The following RBFOX1 variants were observed in gnomAD, a reference collection of about 807,000 sequenced individuals.
RBFOX1 encodes RNA binding protein fox-1 homolog 1.
RBFOX1 carries 8 observed loss-of-function variants against 57.7 expected under a neutral mutation model. The observed-to-expected ratio is 0.14, with a 90% CI of 0.08 to 0.25. The LOEUF is 0.25. RBFOX1 is among the 10% of genes least tolerant of loss of function. The probability of loss-of-function intolerance (pLI) is 1.00; values close to 1 mark genes in which losing one functional copy is unlikely to be tolerated. For missense variants in RBFOX1, 611 were observed against 548.5 expected (o/e 1.11, Z -1.14); for synonymous variants, 326 against 222.4 (o/e 1.47, Z -4.15).
chr16:7,701,182 G>T (rs928465701), intron 14 of RBFOX1, among the ~76,000 whole-genome samples: 2 of 145,606 alleles, frequency 1.4e-5, no homozygotes, highest in African/African-American at 5.7e-5. Flanking sequence ...AAGTAGAGAT[G>T]ACTCCATGTT....
chr16:5,293,827 T>A (rs529049177), intron 1 of RBFOX1, among the ~76,000 whole-genome samples: 1 of 152,164 alleles, frequency 6.6e-6, no homozygotes, highest in East Asian at 1.9e-4. Context: ...AATGAAAATG[T>A]TTTGCAACTA....
At chr16:7,216,612 C>G (rs994476870) in intron 4 of RBFOX1, among the ~76,000 whole-genome samples, 3 of 152,054 alleles carry the variant, frequency 2.0e-5, no homozygotes, top group South Asian at 2.1e-4. Flanking sequence ...GAGCCCAGAT[C>G]GTACCGCTGT....
intron 4 of RBFOX1, among the ~76,000 whole-genome samples, chr16:7,197,710 G>A (rs1036549175): frequency 2.6e-5 from 4 of 152,260 alleles, no homozygotes; most frequent in African/African-American, 4.8e-5. Flanking sequence ...TAAACTAAAT[G>A]TGGTATATCC....
At chr16:5,794,576 C>T (rs921014450) in intron 3 of RBFOX1, among the ~76,000 whole-genome samples, 37 of 151,978 alleles carry the variant, frequency 2.4e-4, no homozygotes, top group African/African-American at 8.2e-4. Context: ...GTATAGCTGT[C>T]GGGCAGGTCA....
At chr16:5,944,579 T>C (rs933972054) in intron 4 of RBFOX1, among the ~76,000 whole-genome samples, 1 of 151,650 alleles carries the variant, frequency 6.6e-6, no homozygotes, top group Non-Finnish European at 1.5e-5. Flanking sequence ...TGCCTCAGTT[T>C]CGACAAATGT....
intron 3 of RBFOX1, among the ~76,000 whole-genome samples, chr16:6,660,306 G>C (rs2098692918): frequency 6.6e-6 from 1 of 151,880 alleles, no homozygotes; most frequent in South Asian, 2.1e-4. Flanking sequence ...TTAATACCTT[G>C]GTGATGGATT....
At chr16:6,857,856 A>G (rs1370935469) in intron 3 of RBFOX1, among the ~76,000 whole-genome samples, 1 of 152,210 alleles carries the variant, frequency 6.6e-6, no homozygotes, top group Non-Finnish European at 1.5e-5. Flanking sequence ...CTTCATGCTC[A>G]GTTACCATTT....
chr16:6,807,626 G>C lies in RBFOX1; in HGVS notation c.-16+152976G>C, dbSNP rs893285756. 4.6e-5 allele frequency among the ~76,000 whole-genome samples: 7 copies of C among 152,160 alleles called. No individual in the cohort carries two copies. In the South Asian group the frequency reaches 1.2e-3, roughly 27 times the overall value. On this transcript the variant is annotated intron_variant, in intron 3 of 15. Transcript: ENST00000550418. Reference sequence around the variant, plus strand: ...AGGTCACGAGATTGAGACCAGCCTGGCGAGCATGGTGAAAGCCCATCTCCA... The same window carrying C: ...AGGTCACGAGATTGAGACCAGCCTGCCGAGCATGGTGAAAGCCCATCTCCA...
At chr16:6,953,586 C>A (rs1224740984) in intron 3 of RBFOX1, among the ~76,000 whole-genome samples, 2 of 152,078 alleles carry the variant, frequency 1.3e-5, no homozygotes, top group Admixed American at 6.5e-5. Flanking sequence ...GGGGTTTTGC[C>A]ATGTTGGCCA....
intron 3 of RBFOX1, among the ~76,000 whole-genome samples, chr16:6,809,928 A>C (rs1270331436): frequency 1.3e-5 from 2 of 152,098 alleles, no homozygotes; most frequent in Non-Finnish European, 2.9e-5. Context: ...CACCACCAAG[A>C]TGAGCCTACC....
chr16:7,482,584 A>G (rs994211609), intron 4 of RBFOX1, among the ~76,000 whole-genome samples: 3 of 137,162 alleles, frequency 2.2e-5, no homozygotes, highest in Non-Finnish European at 4.6e-5. Context: ...GCAGTCATGA[A>G]GATATTGCCT....
chr16:6,945,025 C>G (rs970884425), intron 3 of RBFOX1, among the ~76,000 whole-genome samples: 1 of 152,098 alleles, frequency 6.6e-6, no homozygotes, highest in African/African-American at 2.4e-5. Context: ...TTCTTCTTAT[C>G]TTAACATTCT....
chr16:6,369,876 G>GGTCT (rs1229414631), intron 2 of RBFOX1, among the ~76,000 whole-genome samples: 2 of 152,196 alleles, frequency 1.3e-5, no homozygotes, highest in East Asian at 3.9e-4. Flanking sequence ...ATAGTCCTCT[G>GGTCT]GTCTCATCCA....
At chr16:6,313,171 C>T (rs2080591293) in intron 1 of RBFOX1, among the ~76,000 whole-genome samples, 1 of 152,048 alleles carries the variant, frequency 6.6e-6, no homozygotes. Flanking sequence ...GTGCTGGTAC[C>T]CGGGACTGGG....
At chr16:6,750,219 C>G (rs963967065) in intron 3 of RBFOX1, among the ~76,000 whole-genome samples, 1 of 152,156 alleles carries the variant, frequency 6.6e-6, no homozygotes, top group African/African-American at 2.4e-5. Context: ...ATTGTGGGCT[C>G]TACCTGAGGG....
chr16:7,441,506 G>C (rs546113585), intron 4 of RBFOX1, among the ~76,000 whole-genome samples: 52 of 152,180 alleles, frequency 3.4e-4, no homozygotes, highest in Middle Eastern at 6.8e-3. Context: ...ACTAAAACTG[G>C]TATCTGTTTC....
intron 3 of RBFOX1, among the ~76,000 whole-genome samples, chr16:7,046,756 C>T (rs2048111218): frequency 6.6e-6 from 1 of 151,748 alleles, no homozygotes; most frequent in Non-Finnish European, 1.5e-5. Context: ...CAAGCACGCG[C>T]CATCATGCCC....
At chr16:7,134,409 C>G (rs557742870) in intron 4 of RBFOX1, among the ~76,000 whole-genome samples, 1 of 152,170 alleles carries the variant, frequency 6.6e-6, no homozygotes, top group Non-Finnish European at 1.5e-5. Flanking sequence ...GTGATTACTT[C>G]TTCAGGCATT....
chr16:6,293,360 TC>T (rs1325246203), intron 1 of RBFOX1, among the ~76,000 whole-genome samples: 5 of 152,210 alleles, frequency 3.3e-5, no homozygotes, highest in African/African-American at 9.6e-5. Flanking sequence ...CTGTTCTTCA[TC>T]TTCTCCAGCA....
Sources: allele counts gnomAD v4.1 joint callset (sites outside exome capture counted in the v4.1 genomes callset), GRCh38; gene constraint gnomAD v4.1.1; transcripts MANE v1.5; gene names NCBI Gene and HGNC (gene_info 2026-07-23, HGNC 2026-07-21).